Variants in SNTB2 observed in about 807,000 individuals in gnomAD.
SNTB2 encodes the protein beta-2-syntrophin.
Under a neutral mutation model 46.2 loss-of-function variants are expected in SNTB2, and 34 were observed. The observed-to-expected ratio is 0.74, with a 90% CI of 0.56 to 0.98. The LOEUF (loss-of-function observed/expected upper bound fraction) is 0.98. Among genes scored for constraint, SNTB2 ranks in the 50% least tolerant of loss-of-function variants. SNTB2 has a pLI of 0.00. For missense variants in SNTB2, 603 were observed against 731.4 expected, an observed-to-expected ratio of 0.82 and a Z score of 2.02; for synonymous variants, 290 against 312.6, an observed-to-expected ratio of 0.93 and a Z score of 0.76.
chr16:69,267,587 C>G lies in SNTB2; in HGVS notation c.1006-2556C>G, dbSNP rs146957695. ...ACTGATAAGAAATGCATAATTCTTT[C>G]TACAGTATTTTGCTTGAATTCTCAG... On this transcript the variant is annotated intron_variant, in intron 3 of 6. Transcript: ENST00000336278. Among the ~76,000 whole-genome samples, 482 of 152,286 alleles carry G rather than the reference C, an allele frequency of 3.2e-3. 2 individuals are homozygous for G. Among genetic ancestry groups the G allele is most frequent in the South Asian group, 0.011 (54 of 4,824 alleles).
chr16:69,275,012 TC>T (rs1964973474), intron 4 of SNTB2, among the ~76,000 whole-genome samples: 1 of 151,254 alleles, frequency 6.6e-6, no homozygotes, highest in African/African-American at 2.4e-5. Context: ...TTCCCTCCCT[TC>T]CCTTCCCTTT....
At chr16:69,218,294 A>G (rs1964367950) in intron 1 of SNTB2, among the ~76,000 whole-genome samples, 1 of 152,212 alleles carries the variant, frequency 6.6e-6, no homozygotes, top group African/African-American at 2.4e-5. Context: ...GCTCTATAGT[A>G]TTAACTTAAT....
intron 1 of SNTB2, among the ~76,000 whole-genome samples, chr16:69,237,369 A>G (rs2152295770): frequency 6.6e-6 from 1 of 152,330 alleles, no homozygotes; most frequent in East Asian, 1.9e-4. Context: ...TGGATTGGGT[A>G]AGAAAACATT....
chr16:69,216,345 A>G (rs1716182966), intron 1 of SNTB2, among the ~76,000 whole-genome samples: 2 of 152,290 alleles, frequency 1.3e-5, no homozygotes, highest in East Asian at 3.9e-4. Flanking sequence ...CTTAATCTTC[A>G]TAATAATTCC....
intron 3 of SNTB2, among the ~76,000 whole-genome samples, chr16:69,263,955 G>A (rs949853892): frequency 3.3e-5 from 5 of 149,774 alleles, no homozygotes; most frequent in African/African-American, 7.4e-5. Context: ...TGCAAGCTCC[G>A]CCTCCCAAAA....
chr16:69,239,815 G>A (rs892055767), intron 1 of SNTB2, among the ~76,000 whole-genome samples: 1 of 152,098 alleles, frequency 6.6e-6, no homozygotes, highest in African/African-American at 2.4e-5. Flanking sequence ...AAAGTGCTGG[G>A]ATTACAGGCA....
rs1417862742 is a variant in SNTB2 at position 69,284,168 on chromosome 16, G to C, written c.1269G>C (p.Arg423=). 1.2e-6 allele frequency: 2 copies of C among 1,613,984 alleles called. No homozygotes were observed. Among genetic ancestry groups the C allele is most frequent in the Admixed American group, 3.3e-5 (2 of 59,984 alleles). Residue 423 remains arginine, a synonymous_variant, in exon 5 of 7, where the codon CGG becomes CGC. Transcript: ENST00000336278. ...ATCTCTTCAGGGTGGAGACACATCGGGATCTGTCATCCTGGACCAGGATAC... is the reference window on the plus strand; with the variant it reads ...ATCTCTTCAGGGTGGAGACACATCGCGATCTGTCATCCTGGACCAGGATAC... ...EMHLFRVETH[R]DLSSWTRILV...
chr16:69,254,162 T>G (rs1290177728), intron 2 of SNTB2, among the ~76,000 whole-genome samples: 1 of 152,014 alleles, frequency 6.6e-6, no homozygotes, highest in African/African-American at 2.4e-5. Context: ...CCACCCAGTT[T>G]GGTGGGATGA....
intron 5 of SNTB2, among the ~76,000 whole-genome samples, chr16:69,286,499 A>G (rs1032684106): frequency 1.3e-5 from 2 of 152,026 alleles, no homozygotes; most frequent in Admixed American, 1.3e-4. Context: ...GCCTGGGTAA[A>G]GTGGTGAAAC....
At chr16:69,284,408 G>C (rs949697118) in intron 5 of SNTB2, among the ~76,000 whole-genome samples, 164 bp downstream of exon 5, 2 of 124,070 alleles carry the variant, frequency 1.6e-5, no homozygotes, top group Non-Finnish European at 3.2e-5. Flanking sequence ...GTGTACATAT[G>C]TTAAGACACA....
At chr16:69,202,665 T>A (rs1185902635) in intron 1 of SNTB2, among the ~76,000 whole-genome samples, 1 of 152,124 alleles carries the variant, frequency 6.6e-6, no homozygotes, top group African/African-American at 2.4e-5. Context: ...AACCTCTGCC[T>A]CCCGGGTTCA....
rs141919244 is a variant in SNTB2, at chr16:69,270,221, T to C, written c.1084T>C (p.Cys362Arg). 1 of 1,614,154 alleles carries C rather than the reference T, an allele frequency of 6.2e-7. No homozygotes were observed. Among genetic ancestry groups the C allele is most frequent in the Non-Finnish European group, 8.5e-7 (1 of 1,180,042 alleles). The change falls in exon 4 of 7, where the codon TGT becomes CGT. Residue 362 changes from cysteine to arginine, a missense_variant. Physicochemically the swap from Cys to Arg is radical, Grantham distance 180. Transcript: ENST00000336278. ...VTEKDLLLYD[C>R]MPWTRDAWAS... ...TGAGAAGGATTTGCTGCTCTATGAC[T>C]GTATGCCGTGGACAAGAGATGCCTG...
At chr16:69,189,070 C>T (rs1016323939) in intron 1 of SNTB2, among the ~76,000 whole-genome samples, 19 of 152,076 alleles carry the variant, frequency 1.2e-4, no homozygotes, top group African/African-American at 4.6e-4. Context: ...CAACTTGGCA[C>T]AATGGATTTT....
At chr16:69,259,994 G>C in intron 2 of SNTB2, 56 bp from the exon 3 acceptor site, 1 of 1,252,654 alleles carries the variant, frequency 8.0e-7, no homozygotes, top group Non-Finnish European at 1.2e-6. Context: ...TTTAAACCTG[G>C]CAGGTTTGGT....
intron 4 of SNTB2, among the ~76,000 whole-genome samples, chr16:69,279,595 G>A (rs1965018753): frequency 7.1e-6 from 1 of 140,166 alleles, no homozygotes; most frequent in Non-Finnish European, 1.5e-5. Flanking sequence ...GCACGATATG[G>A]GCTCACTGCA....
chr16:69,195,210 CTTTG>C (rs1230674923), intron 1 of SNTB2, among the ~76,000 whole-genome samples: 3 of 152,030 alleles, frequency 2.0e-5, no homozygotes, highest in Non-Finnish European at 2.9e-5. Context: ...GGAGAAAAAT[CTTTG>C]TTTATCAAAA....
At chr16:69,292,435 T>TATATATATATA (rs1291261454) in intron 5 of SNTB2, among the ~76,000 whole-genome samples, 1 of 10,500 alleles carries the variant, frequency 9.5e-5, no homozygotes, top group Non-Finnish European at 1.7e-4. Flanking sequence ...TATATATATA[T>TATATATATATA]TATATATATA....
intron 5 of SNTB2, among the ~76,000 whole-genome samples, chr16:69,289,246 G>A (rs1387391032): frequency 2.1e-5 from 3 of 140,000 alleles, no homozygotes. Flanking sequence ...TCCAGCCTGG[G>A]CAACGAGAGC....
At chr16:69,240,725 A>G (rs1964603355) in intron 1 of SNTB2, 1 of 152,254 alleles carries the variant, frequency 6.6e-6, no homozygotes, top group Admixed American at 6.5e-5. Context: ...AAAGGAACAT[A>G]ACGATTATAT....
Sources: allele counts gnomAD v4.1 joint callset (sites outside exome capture counted in the v4.1 genomes callset), GRCh38; gene constraint gnomAD v4.1.1; transcripts MANE v1.5; gene names NCBI Gene and HGNC (gene_info 2026-07-23, HGNC 2026-07-21).